Variants in SPAM1 observed in about 807,000 individuals in gnomAD.
The protein encoded by SPAM1 is sperm adhesion molecule 1.
Under a neutral mutation model 29.6 loss-of-function variants are expected in SPAM1, and 22 were observed. That is an observed-to-expected ratio of 0.74 (90% CI 0.53 to 1.06). SPAM1 has a LOEUF of 1.06. Among genes scored for constraint, SPAM1 ranks in the 50% least tolerant of loss-of-function variants. The probability of loss-of-function intolerance (pLI) is 0.00; values close to 1 mark genes in which losing one functional copy is unlikely to be tolerated. For synonymous variants in SPAM1, 194 were observed against 204.6 expected, an observed-to-expected ratio of 0.95 and a Z score of 0.44; for missense variants, 534 against 604.0, an observed-to-expected ratio of 0.88 and a Z score of 1.21.
intron 1 of SPAM1, among the ~76,000 whole-genome samples, chr7:123,938,808 G>A (rs1359091300): frequency 1.3e-5 from 2 of 152,094 alleles, no homozygotes; most frequent in Admixed American, 1.3e-4. Context: ...ACTTCATTAC[G>A]TAATGCACCA....
intron 1 of SPAM1, among the ~76,000 whole-genome samples, chr7:123,929,961 G>A (rs1010230838): frequency 6.9e-6 from 1 of 145,098 alleles, no homozygotes; most frequent in Non-Finnish European, 1.5e-5. Flanking sequence ...TGCTTAGGAG[G>A]CTGGGCTGGA....
downstream of SPAM1, among the ~76,000 whole-genome samples, chr7:123,960,294 A>C (rs576937532): frequency 6.6e-6 from 1 of 152,012 alleles, no homozygotes; most frequent in Non-Finnish European, 1.5e-5. Context: ...TGCACAAGAT[A>C]CTGACATTTT....
intron 1 of SPAM1, among the ~76,000 whole-genome samples, chr7:123,928,916 T>C (rs1448459218): frequency 1.1e-4 from 17 of 152,090 alleles, no homozygotes; most frequent in Admixed American, 1.1e-3. Context: ...TAGGTGTGTT[T>C]TTATAAAGAC....
In SPAM1 at chr7:123,953,619, T is replaced by A. The variant is rs139535829; in HGVS notation, c.49T>A (p.Ser17Thr). Residue 17 changes from serine (S) to threonine (T), a missense_variant, in exon 3 of 5, where the codon TCA (serine) becomes ACA (threonine). Coordinates refer to ENST00000682466, the MANE Select transcript of SPAM1 (RefSeq NM_153189.3). ...CATCTTTTTCAGAAGCTTTGTTAAA[T>A]CAAGTGGAGTATCCCAGATAGTTTT... is the stretch of plus-strand genomic sequence containing the variant. The part of the protein sequence containing the change: ...KHIFFRSFVK[S>T]SGVSQIVFTF... 1.2e-6 allele frequency: 2 copies of A among 1,604,924 alleles called. No homozygotes were observed. The highest frequency in any genetic ancestry group is 1.7e-6 in the Non-Finnish European group (2 of 1,177,470).
At chr7:123,967,194 G>GC (rs960439658) in intron 5 of SPAM1, among the ~76,000 whole-genome samples, 8 of 151,920 alleles carry the variant, frequency 5.3e-5, no homozygotes, top group Admixed American at 1.3e-4. Context: ...TGTCCTTGAA[G>GC]CCTTTTTGTT....
chr7:123,957,082 A>G (rs886539507), intron 4 of SPAM1, among the ~76,000 whole-genome samples: 3 of 152,034 alleles, frequency 2.0e-5, no homozygotes, highest in African/African-American at 7.2e-5. Context: ...AACTTGGTAT[A>G]AATTCTCATG....
rs34633019 is a variant in SPAM1 at position 123,953,710 on chromosome 7, T to C, written c.140T>C (p.Val47Ala). The C allele has an allele frequency of 0.022, 36,220 of 1,613,382 alleles. 501 individuals are homozygous for C. Among genetic ancestry groups the C allele is most frequent in the Middle Eastern group, 0.054 (327 of 6,054 alleles). Residue 47 changes from valine (V) to alanine (A), a missense_variant, in exon 3 of 5, where the codon GTG (valine) becomes GCG (alanine). By Grantham distance (64) the Val-to-Ala change is moderately conservative (BLOSUM62 0). Coordinates refer to ENST00000682466, the MANE Select transcript of SPAM1 (RefSeq NM_153189.3). ...AGAGCACCTCCTGTTATTCCAAATG[T>C]GCCTTTCCTCTGGGCCTGGAATGCC... Reference protein sequence around the residue: ...NFRAPPVIPNVPFLWAWNAPS... With the variant: ...NFRAPPVIPNAPFLWAWNAPS...
chr7:123,939,322 T>A (rs758163212), intron 1 of SPAM1, among the ~76,000 whole-genome samples: 26 of 152,150 alleles, frequency 1.7e-4, no homozygotes, highest in Admixed American at 6.5e-5. Flanking sequence ...CCTGACCTCG[T>A]GATCTGCCCG....
intron 4 of SPAM1, among the ~76,000 whole-genome samples, chr7:123,957,818 T>C (rs1048486378): frequency 2.0e-5 from 3 of 152,030 alleles, no homozygotes; most frequent in Non-Finnish European, 4.4e-5. Flanking sequence ...TTCCAGCTTT[T>C]AGAGGCCAGT....
chr7:123,955,176 T>C, intron 4 of SPAM1, 90 bp downstream of exon 4: 1 of 887,696 alleles, frequency 1.1e-6, no homozygotes, highest in East Asian at 2.5e-5. Flanking sequence ...AAATAAGTAG[T>C]ACTATGCTTG....
chr7:123,944,581 G>A (rs907284746), intron 1 of SPAM1, among the ~76,000 whole-genome samples: 2 of 152,134 alleles, frequency 1.3e-5, no homozygotes, highest in Non-Finnish European at 2.9e-5. Context: ...TAATCCTCAC[G>A]TCAGACCTAA....
chr7:123,943,255 A>G (rs930365386), intron 1 of SPAM1, among the ~76,000 whole-genome samples: 3 of 152,102 alleles, frequency 2.0e-5, no homozygotes, highest in African/African-American at 7.2e-5. Context: ...TTTTCCCTCT[A>G]TTCTAGTGTC....
chr7:123,958,050 C>T (rs1792284334), intron 4 of SPAM1, among the ~76,000 whole-genome samples: 1 of 152,024 alleles, frequency 6.6e-6, no homozygotes, highest in Non-Finnish European at 1.5e-5. Context: ...TGCAAAGTCT[C>T]TTTTGTCACA....
Position 123,954,478 on chromosome 7 carries a change from A to AT in SPAM1, c.909dup (p.Thr304TyrfsTer7). ...AAAAGTCCACTTCCGGTTTTTGCATATACCCGCATAGTTTTTACTGATCAA... is the reference window on the plus strand; with the variant it reads ...AAAAGTCCACTTCCGGTTTTTGCATATTACCCGCATAGTTTTTACTGATCAA... On this transcript the variant is annotated frameshift_variant, in exon 3 of 5. Transcript: ENST00000682466. LOFTEE classifies it high-confidence loss of function. 1 of 1,612,482 alleles carries AT rather than the reference A, an allele frequency of 6.2e-7. No homozygotes were observed.
intron 1 of SPAM1, among the ~76,000 whole-genome samples, chr7:123,946,823 A>C (rs951897790): frequency 2.6e-5 from 4 of 152,122 alleles, no homozygotes; most frequent in African/African-American, 9.7e-5. Flanking sequence ...TCAGATACGC[A>C]TGTCTCAGGT....
At chr7:123,931,376 C>A (rs1040569462) in intron 1 of SPAM1, among the ~76,000 whole-genome samples, 1 of 152,136 alleles carries the variant, frequency 6.6e-6, no homozygotes, top group Non-Finnish European at 1.5e-5. Flanking sequence ...AATTATGTGA[C>A]CTACCTTGTT....
chr7:123,948,581 G>A (rs185555962), intron 1 of SPAM1, among the ~76,000 whole-genome samples: 1 of 152,182 alleles, frequency 6.6e-6, no homozygotes, highest in East Asian at 1.9e-4. Context: ...GACTGAGGAG[G>A]TGCCTTGTGA....
In SPAM1 at chr7:123,955,125, A is replaced by G. The variant is rs199578494; in HGVS notation, c.1044+39A>G. 70 of 1,352,336 alleles carry G rather than the reference A, an allele frequency of 5.2e-5. No individual in the cohort carries two copies. In the Middle Eastern group the frequency reaches 7.2e-4, roughly 14 times the overall value. 83.8% of individuals were successfully genotyped at this position (1,352,336 alleles called of 1,614,324 possible). On this transcript the variant is annotated intron_variant, in intron 4 of 4. Transcript: ENST00000682466. ...GTAGAAAATAGGTGAAAATATTTCT[A>G]TGTTTAATGTTTTTGGGGATTGTTT...
intron 5 of SPAM1, among the ~76,000 whole-genome samples, chr7:123,968,313 A>G (rs1792454841): frequency 6.6e-6 from 1 of 152,066 alleles, no homozygotes; most frequent in African/African-American, 2.4e-5. Context: ...AGCTATTGGC[A>G]TGGAAAGAGA....
Sources: allele counts gnomAD v4.1 joint callset (sites outside exome capture counted in the v4.1 genomes callset), GRCh38; gene constraint gnomAD v4.1.1; transcripts MANE v1.5; gene names NCBI Gene and HGNC (gene_info 2026-07-23, HGNC 2026-07-21).